Variants in KCNQ3 observed in about 807,000 individuals in gnomAD.
KCNQ3 encodes potassium voltage-gated channel subfamily KQT member 3.
KCNQ3 carries 30 observed loss-of-function variants against 92.5 expected under a neutral mutation model. That is an observed-to-expected ratio of 0.32 (90% confidence interval 0.24 to 0.44). KCNQ3 has a LOEUF of 0.44. Ranked by LOEUF, KCNQ3 falls within the 20% of genes least tolerant of loss-of-function variation. The pLI is 1.00. For missense variants in KCNQ3, 913 were observed against 1,140.3 expected, an observed-to-expected ratio of 0.80 and a Z score of 2.87; for synonymous variants, 450 against 468.8, an observed-to-expected ratio of 0.96 and a Z score of 0.52.
At chr8:132,405,689 G>A (rs1304754408) in intron 1 of KCNQ3, among the ~76,000 whole-genome samples, 2 of 152,158 alleles carry the variant, frequency 1.3e-5, no homozygotes, top group Admixed American at 1.3e-4. Context: ...AACAACTCTG[G>A]GTCAAAGCAA....
At chr8:132,226,506 T>C (rs921587632) in intron 1 of KCNQ3, among the ~76,000 whole-genome samples, 3 of 152,150 alleles carry the variant, frequency 2.0e-5, no homozygotes, top group Non-Finnish European at 4.4e-5. Context: ...AATTGACAAG[T>C]AGCCAAGGTC....
intron 1 of KCNQ3, among the ~76,000 whole-genome samples, chr8:132,215,745 T>G (rs1814010163): frequency 6.6e-6 from 1 of 152,222 alleles, no homozygotes; most frequent in South Asian, 2.1e-4. Context: ...AGCCCATGAC[T>G]GATAGGTGAG....
chr8:132,139,523 A>G (rs1178084623), intron 11 of KCNQ3, among the ~76,000 whole-genome samples: 1 of 152,262 alleles, frequency 6.6e-6, no homozygotes, highest in Non-Finnish European at 1.5e-5. Context: ...TGAAGTGCTT[A>G]CATGCTGATA....
At chr8:132,289,241 CCAATTTA>C (rs1218637563) in intron 1 of KCNQ3, among the ~76,000 whole-genome samples, 2 of 152,124 alleles carry the variant, frequency 1.3e-5, no homozygotes, top group Non-Finnish European at 2.9e-5. Context: ...GTATGGCATG[CCAATTTA>C]AAATGTATGG....
chr8:132,262,699 T>C (rs533119223), intron 1 of KCNQ3, among the ~76,000 whole-genome samples: 2 of 149,274 alleles, frequency 1.3e-5, no homozygotes, highest in East Asian at 4.1e-4. Flanking sequence ...GAGGGTGGGA[T>C]CAAAAAACAG....
At position 132,122,187 on chromosome 8, in the gene KCNQ3, T is replaced by C. The variant is rs2436127; in HGVS notation, c.*7075A>G. 31,259 of 152,128 alleles carry C rather than the reference T, an allele frequency of 0.21. 3,714 individuals carry two copies. The highest frequency in any genetic ancestry group is 0.31 in the Middle Eastern group (90 of 294). The allele number at this position is 152,128 out of a possible 1,614,324, so 9.4% of individuals were successfully genotyped here. A position where few individuals can be genotyped will look rare whatever the true frequency, so the allele number is the denominator to read the frequency against. On this transcript the variant is annotated 3_prime_UTR_variant, in exon 15 of 15. Transcript: ENST00000388996. ...TTACAATGTGTGACCTTTGACAAGG[T>C]CTTGTCTTCAGTTTCCTCATCTATA...
intron 1 of KCNQ3, among the ~76,000 whole-genome samples, chr8:132,390,078 A>G (rs1820008386): frequency 6.6e-6 from 1 of 152,232 alleles, no homozygotes; most frequent in African/African-American, 2.4e-5. Flanking sequence ...CTACACAGCA[A>G]TGAAAAGGAG....
At chr8:132,377,011 G>C (rs1819628232) in intron 1 of KCNQ3, among the ~76,000 whole-genome samples, 1 of 152,230 alleles carries the variant, frequency 6.6e-6, no homozygotes, top group Admixed American at 6.5e-5. Context: ...AATTGCGATG[G>C]TTAATTTCAT....
chr8:132,398,141 C>G (rs915585636), intron 1 of KCNQ3, among the ~76,000 whole-genome samples: 4 of 152,080 alleles, frequency 2.6e-5, no homozygotes, highest in African/African-American at 9.7e-5. Context: ...TTTAGAGAAA[C>G]CTTTTGGTTT....
Position 132,184,247 on chromosome 8 carries a change from T to C in KCNQ3, c.598A>G (p.Met200Val), listed in dbSNP as rs1433362780. The change falls in exon 3 of 15, where the codon ATG becomes GTG. Residue 200 changes from methionine to valine, a missense_variant. Around this residue, in one of 6 missense-constraint regions of KCNQ3, gnomAD observed 100 missense variants for 217.6 expected, o/e 0.46. Transcript: ENST00000388996. ...GCTCAGGGTCAGGACTTACCCAACA[T>C]GCACAGGGGCTTCCTGGCAAACTTC... ...RLKFARKPLC[M>V]LDIFVLIASV... The C allele has an allele frequency of 1.2e-6, 2 of 1,614,166 alleles. No homozygotes were observed. The highest frequency in any genetic ancestry group is 1.7e-6 in the Non-Finnish European group (2 of 1,180,024).
At chr8:132,206,330 T>C (rs1321463713) in intron 1 of KCNQ3, among the ~76,000 whole-genome samples, 1 of 152,210 alleles carries the variant, frequency 6.6e-6, no homozygotes, top group East Asian at 1.9e-4. Flanking sequence ...TGGTTCCTGG[T>C]CACTTTGCAT....
chr8:132,140,243 GTTCGGTCAAAGCCT>G, intron 10 of KCNQ3, 65 bp from the exon 11 acceptor site: 4 of 1,190,220 alleles, frequency 3.4e-6, no homozygotes, highest in Non-Finnish European at 5.0e-6. Flanking sequence ...GGACCCCACT[GTTCGGTCAAAGCCT>G]TCCACGCCTC....
At chr8:132,452,313 T>A (rs1014568270) in intron 1 of KCNQ3, among the ~76,000 whole-genome samples, 1 of 152,208 alleles carries the variant, frequency 6.6e-6, no homozygotes, top group African/African-American at 2.4e-5. Flanking sequence ...TAAACTCCTC[T>A]AGGTGCCTCT....
At chr8:132,222,828 A>G (rs1667773907) in intron 1 of KCNQ3, among the ~76,000 whole-genome samples, 1 of 152,268 alleles carries the variant, frequency 6.6e-6, no homozygotes, top group Non-Finnish European at 1.5e-5. Flanking sequence ...TATGTGCTTA[A>G]TGTGGATTTG....
chr8:132,156,380 G>A (rs980125919), intron 9 of KCNQ3, among the ~76,000 whole-genome samples: 1 of 152,048 alleles, frequency 6.6e-6, no homozygotes, highest in African/African-American at 2.4e-5. Flanking sequence ...AGGTTTTGAA[G>A]TCTAGTAGTC....
At chr8:132,134,749 TA>T (rs1270462105) in intron 12 of KCNQ3, among the ~76,000 whole-genome samples, 5 of 149,372 alleles carry the variant, frequency 3.3e-5, no homozygotes, top group Admixed American at 2.0e-4. Context: ...TGCATCTTGT[TA>T]TTTTTTTTTT....
At chr8:132,266,804 G>T (rs540885610) in intron 1 of KCNQ3, among the ~76,000 whole-genome samples, 12 of 152,298 alleles carry the variant, frequency 7.9e-5, no homozygotes, top group African/African-American at 2.9e-4. Flanking sequence ...CCAGGTGATG[G>T]TGTTGGTCCA....
At chr8:132,350,079 T>C (rs931459104) in intron 1 of KCNQ3, among the ~76,000 whole-genome samples, 1 of 152,194 alleles carries the variant, frequency 6.6e-6, no homozygotes, top group South Asian at 2.1e-4. Flanking sequence ...ACCTGTGAAA[T>C]GATACTGAAG....
intron 1 of KCNQ3, among the ~76,000 whole-genome samples, chr8:132,468,626 A>C (rs1452093478): frequency 6.6e-6 from 1 of 152,192 alleles, no homozygotes; most frequent in Non-Finnish European, 1.5e-5. Flanking sequence ...TGATATTATA[A>C]ACTGTGAAAT....
Sources: gnomAD v4.1 joint callset for allele counts (sites outside exome capture counted in the v4.1 genomes callset) on GRCh38, gnomAD v4.1.1 for gene constraint, gnomAD v4.1.1 regional missense constraint, MANE v1.5 for transcripts, NCBI Gene and HGNC (gene_info 2026-07-23, HGNC 2026-07-21) for gene names.